Variants in EPYC observed in about 807,000 individuals in gnomAD.
EPYC encodes the protein dermatan sulfate proteoglycan 3.
A neutral mutation model predicts 30.1 loss-of-function variants in EPYC; 28 were observed. That is an observed-to-expected ratio of 0.93 (90% CI 0.69 to 1.28). The LOEUF is 1.28. Among genes scored for constraint, EPYC ranks in the 50% most tolerant of loss-of-function variants. EPYC has a pLI of 0.00. For synonymous variants in EPYC, 144 were observed against 141.4 expected, an observed-to-expected ratio of 1.02 and a Z score of -0.13; for missense variants, 382 against 383.5, an observed-to-expected ratio of 1.00 and a Z score of 0.03.
At chr12:90,987,485 T>C (rs1410256700) in intron 2 of EPYC, among the ~76,000 whole-genome samples, 3 of 152,210 alleles carry the variant, frequency 2.0e-5, no homozygotes. Context: ...TTAGACCACA[T>C]TTCATGTGTC....
intron 2 of EPYC, among the ~76,000 whole-genome samples, chr12:91,001,398 G>T (rs75236726): frequency 6.6e-6 from 1 of 152,032 alleles, no homozygotes. Context: ...TCCTTTAAAG[G>T]TGATGTAATT....
chr12:90,994,241 C>T (rs918634181), intron 2 of EPYC, among the ~76,000 whole-genome samples: 1 of 152,110 alleles, frequency 6.6e-6, no homozygotes, highest in Non-Finnish European at 1.5e-5. Context: ...CGAATCCCTT[C>T]CTTTAAGGCA....
In EPYC at chr12:90,972,885, C is replaced by T. The variant is rs761511520; in HGVS notation, c.436G>A (p.Ala146Thr). 3.7e-6 allele frequency: 6 copies of T among 1,613,410 alleles called. No homozygotes were observed. Among genetic ancestry groups the T allele is most frequent in the African/African-American group, 2.7e-5 (2 of 74,872 alleles). The change falls in exon 4 of 7, where the codon GCT becomes ACT. Residue 146 changes from alanine to threonine, a missense_variant. Transcript: ENST00000261172. ...CTGTTAAAGCGGGAATAGAAATAAGCGGTGTTCTTTGGCAGCGGAGGAATA... is the reference window on the plus strand; with the variant it reads ...CTGTTAAAGCGGGAATAGAAATAAGTGGTGTTCTTTGGCAGCGGAGGAATA... ...DAIPPLPKNTAYFYSRFNRIK... is the reference protein window; with the variant it reads ...DAIPPLPKNTTYFYSRFNRIK...
intron 2 of EPYC, among the ~76,000 whole-genome samples, chr12:90,996,385 A>C (rs1343368721): frequency 6.6e-6 from 1 of 151,794 alleles, no homozygotes; most frequent in African/African-American, 2.4e-5. Flanking sequence ...TTTTTTAAAA[A>C]TTTTATTTTT....
At chr12:90,969,718 C>A (rs558321572) in intron 6 of EPYC, among the ~76,000 whole-genome samples, 1 of 152,002 alleles carries the variant, frequency 6.6e-6, no homozygotes, top group African/African-American at 2.4e-5. Flanking sequence ...TTTTCCACTT[C>A]TAATCTTTTC....
In EPYC at chr12:91,002,486, T is replaced by C. The variant is rs749876104; in HGVS notation, c.80A>G (p.Asn27Ser). The change falls in exon 2 of 7, where the codon AAC becomes AGC. Residue 27 changes from asparagine (N) to serine (S), a missense_variant. Transcript: ENST00000261172. ...AVTAPTLESI[N>S]YDSETYDATL... The stretch of plus-strand genomic sequence containing the variant: ...GGCATCATAGGTTTCTGAGTCATAG[T>C]TGATGGACTCTAGAGTTGGGGCAGT... 4.3e-6 allele frequency: 7 copies of C among 1,613,410 alleles called. 1 individual carries two copies. The highest frequency in any genetic ancestry group is 4.2e-6 in the Non-Finnish European group (5 of 1,179,604).
At chr12:91,001,241 A>T (rs1313306996) in intron 2 of EPYC, among the ~76,000 whole-genome samples, 2 of 152,054 alleles carry the variant, frequency 1.3e-5, no homozygotes, top group African/African-American at 4.8e-5. Context: ...AATATTGAAA[A>T]ATTTTAGTAT....
chr12:90,975,464 G>GA (rs1200329042), intron 3 of EPYC, among the ~76,000 whole-genome samples: 39 of 151,986 alleles, frequency 2.6e-4, no homozygotes, highest in African/African-American at 9.4e-4. Context: ...TAATTTTGAT[G>GA]AATGTGTGCC....
chr12:90,977,798 A>G (rs1046771851), intron 3 of EPYC, among the ~76,000 whole-genome samples: 3 of 152,088 alleles, frequency 2.0e-5, no homozygotes, highest in African/African-American at 7.2e-5. Context: ...CTGCTCATCA[A>G]TTACTCTCTG....
intron 2 of EPYC, 95 bp from the exon 3 acceptor site, chr12:90,978,357 A>C: frequency 2.5e-6 from 3 of 1,206,428 alleles, no homozygotes; most frequent in Non-Finnish European, 3.4e-6. Flanking sequence ...CATATTTGCC[A>C]CAAGAGGACA....
At position 90,971,846 on chromosome 12, in the gene EPYC, C is replaced by T. The variant is rs139254082; in HGVS notation, c.656G>A (p.Ser219Asn). Residue 219 changes from serine to asparagine, a missense_variant, in exon 5 of 7, where the codon AGC (serine) becomes AAC (asparagine). Transcript: ENST00000261172. Reference sequence around the variant, plus strand: ...CCCTTTCCTTCCAAGTCTATTGTTGCTAATATCAATAAATGTCAAAGTGGT... The same window carrying T: ...CCCTTTCCTTCCAAGTCTATTGTTGTTAATATCAATAAATGTCAAAGTGGT... The part of the protein sequence containing the change: ...LPTTLTFIDI[S>N]NNRLGRKGIK... 313 of 1,611,584 alleles carry T rather than the reference C, an allele frequency of 1.9e-4. No individual in the cohort carries two copies. The highest frequency in any genetic ancestry group is 2.5e-4 in the Non-Finnish European group (291 of 1,179,120).
chr12:91,001,783 C>A (rs1399854949), intron 2 of EPYC, among the ~76,000 whole-genome samples: 2 of 152,096 alleles, frequency 1.3e-5, no homozygotes, highest in Non-Finnish European at 1.5e-5. Flanking sequence ...CATTTTAACT[C>A]TTTTCCTTGC....
Position 90,964,104 on chromosome 12 carries a change from G to A in EPYC, c.*52C>T. The stretch of plus-strand genomic sequence containing the variant: ...CTGAGTTTTGTTTTGGAAGAGAGCA[G>A]TAAGAATGGTTTATTTATAGTAGCC... On this transcript the variant is annotated 3_prime_UTR_variant, in exon 7 of 7. Coordinates refer to ENST00000261172, the MANE Select transcript of EPYC (RefSeq NM_004950.5). The A allele has an allele frequency of 6.7e-7, 1 of 1,499,594 alleles. No individual in the cohort carries two copies. The highest frequency in any genetic ancestry group is 9.2e-7 in the Non-Finnish European group (1 of 1,092,690). 92.9% of individuals were successfully genotyped at this position (1,499,594 alleles called of 1,614,324 possible).
intron 2 of EPYC, among the ~76,000 whole-genome samples, chr12:90,993,145 A>G (rs12320721): frequency 0.02 from 2,969 of 152,194 alleles, 92 homozygotes; most frequent in African/African-American, 0.067. Context: ...CTAATTGATG[A>G]TTGAGAGAAG....
intron 2 of EPYC, among the ~76,000 whole-genome samples, chr12:90,990,358 C>T (rs1191204077): frequency 6.6e-6 from 1 of 151,998 alleles, no homozygotes; most frequent in Non-Finnish European, 1.5e-5. Context: ...CACAGGGTAA[C>T]TACACACATT....
chr12:90,980,548 A>G (rs970956432), intron 2 of EPYC, among the ~76,000 whole-genome samples: 1 of 152,144 alleles, frequency 6.6e-6, no homozygotes, highest in Non-Finnish European at 1.5e-5. Context: ...CCATCTTCGT[A>G]CTGTGATATG....
At chr12:90,990,584 A>T (rs1282938308) in intron 2 of EPYC, among the ~76,000 whole-genome samples, 1 of 152,154 alleles carries the variant, frequency 6.6e-6, no homozygotes, top group African/African-American at 2.4e-5. Context: ...TTAAACCTAA[A>T]GGTTAACCTT....
At chr12:90,969,518 G>T in intron 6 of EPYC, among the ~76,000 whole-genome samples, 1 of 74,496 alleles carries the variant, frequency 1.3e-5, no homozygotes. Context: ...TTCAAATATG[G>T]TGTTTAAAAA....
intron 6 of EPYC, among the ~76,000 whole-genome samples, chr12:90,969,593 G>A (rs1189075051): frequency 6.7e-6 from 1 of 149,542 alleles, no homozygotes; most frequent in Non-Finnish European, 1.5e-5. Context: ...ACATAGGAAT[G>A]CCTTAGGACT....
Sources: allele counts gnomAD v4.1 joint callset (sites outside exome capture counted in the v4.1 genomes callset), GRCh38; gene constraint gnomAD v4.1.1; transcripts MANE v1.5; gene names NCBI Gene and HGNC (gene_info 2026-07-23, HGNC 2026-07-21).